GLCE: variants seen among roughly 807,000 people sequenced by gnomAD.
GLCE encodes the protein glucuronic acid epimerase, also known as D-glucuronyl C5-epimerase.
In GLCE, 19 loss-of-function variants were observed where a neutral mutation model predicts 47.9. That is an observed-to-expected ratio of 0.40 (90% confidence interval 0.28 to 0.58). GLCE has a LOEUF of 0.58. Ranked by LOEUF, GLCE falls within the 20% of genes least tolerant of loss-of-function variation. GLCE has a pLI of 0.48. For synonymous variants in GLCE, 245 were observed against 263.4 expected (o/e 0.93, Z 0.68); for missense variants, 556 against 743.3 (o/e 0.75, Z 2.93).
intron 2 of GLCE, among the ~76,000 whole-genome samples, chr15:69,232,916 A>G (rs879556278): frequency 2.0e-5 from 3 of 152,156 alleles, no homozygotes; most frequent in African/African-American, 4.8e-5. Flanking sequence ...AGACTAAATG[A>G]GAGTATTTCT....
chr15:69,192,661 G>A (rs1467085550), intron 1 of GLCE, among the ~76,000 whole-genome samples: 2 of 151,946 alleles, frequency 1.3e-5, no homozygotes, highest in East Asian at 3.9e-4. Flanking sequence ...TTATTTTAAA[G>A]GATGTTAGTT....
intron 1 of GLCE, among the ~76,000 whole-genome samples, chr15:69,178,851 A>G (rs930575301): frequency 2.6e-5 from 4 of 152,182 alleles, no homozygotes; most frequent in Non-Finnish European, 4.4e-5. Context: ...CAAAAAACAT[A>G]TATGACTCTT....
chr15:69,198,131 C>G (rs557458371), intron 1 of GLCE, among the ~76,000 whole-genome samples: 41 of 151,848 alleles, frequency 2.7e-4, no homozygotes, highest in African/African-American at 9.7e-4. Flanking sequence ...TTTAAAAAAC[C>G]CTGCATGTGG....
intron 3 of GLCE, among the ~76,000 whole-genome samples, chr15:69,260,469 AGGCT>A (rs2052998549): frequency 6.6e-6 from 1 of 152,206 alleles, no homozygotes; most frequent in South Asian, 2.1e-4. Flanking sequence ...CGTGTTGCCC[AGGCT>A]GGTCTCAAAC....
chr15:69,162,414 A>G (rs1022923847), intron 1 of GLCE, among the ~76,000 whole-genome samples: 1 of 152,192 alleles, frequency 6.6e-6, no homozygotes, highest in Non-Finnish European at 1.5e-5. Context: ...ATGAAAGTTA[A>G]TGTGGCAGGC....
At chr15:69,215,466 T>A (rs76493994) in intron 2 of GLCE, among the ~76,000 whole-genome samples, 1 of 152,280 alleles carries the variant, frequency 6.6e-6, no homozygotes, top group African/African-American at 2.4e-5. Flanking sequence ...CTTATTCATT[T>A]ATCTGTTGTG....
chr15:69,243,444 A>T (rs1346845856), intron 2 of GLCE, among the ~76,000 whole-genome samples: 1 of 151,932 alleles, frequency 6.6e-6, no homozygotes, highest in Non-Finnish European at 1.5e-5. Flanking sequence ...CATAGCTTCA[A>T]AGCCGATTTA....
At chr15:69,268,198 G>T (rs749891569) in intron 4 of GLCE, 22 bp from the exon 5 acceptor site, 3 of 1,489,888 alleles carry the variant, frequency 2.0e-6, no homozygotes, top group East Asian at 2.3e-5. Flanking sequence ...ACCAGTCTTT[G>T]TTGGTATATT....
rs1429665883 is a variant in GLCE at position 69,160,981 on chromosome 15, C to A, written c.-105+224C>A. On this transcript the variant is annotated intron_variant, in intron 1 of 4. Coordinates refer to ENST00000261858, the MANE Select transcript of GLCE (RefSeq NM_015554.3). This position sits in a 1 kb window ranked among gnomAD's most constrained non-coding sequence, Gnocchi z 4.2. Reference sequence around the variant, plus strand: ...GCGGTGTAGCGGGTGCCGGAGCTCCCGAGGTGAGGGGGCAATGTATTAGGG... The same window carrying A: ...GCGGTGTAGCGGGTGCCGGAGCTCCAGAGGTGAGGGGGCAATGTATTAGGG... Among the ~76,000 whole-genome samples the A allele has an allele frequency of 5.1e-5, 7 of 138,034 alleles. No homozygotes were observed. Among genetic ancestry groups the A allele is most frequent in the African/African-American group, 1.1e-4 (4 of 35,238 alleles). 90.6% of individuals were successfully genotyped at this position (138,034 alleles called of 152,430 possible). A position where few individuals can be genotyped will look rare whatever the true frequency, so the allele number is the denominator to read the frequency against.
chr15:69,252,881 G>A lies in GLCE; in HGVS notation c.-13-2913G>A, dbSNP rs143467391. 7.1e-3 allele frequency among the ~76,000 whole-genome samples: 1,085 copies of A among 152,190 alleles called. 17 individuals are homozygous for A. Among genetic ancestry groups the A allele is most frequent in the African/African-American group, 0.025 (1,045 of 41,498 alleles). Reference sequence around the variant, plus strand: ...TAAGTTTTGTTTGTTACACACTTTGGTTTCTCATAGTAATAATGCAGATGA... The same window carrying A: ...TAAGTTTTGTTTGTTACACACTTTGATTTCTCATAGTAATAATGCAGATGA... On this transcript the variant is annotated intron_variant, in intron 2 of 4. Coordinates refer to ENST00000261858, the MANE Select transcript of GLCE (RefSeq NM_015554.3).
intron 2 of GLCE, among the ~76,000 whole-genome samples, chr15:69,242,010 A>G (rs116952933): frequency 1.1e-4 from 16 of 152,290 alleles, no homozygotes; most frequent in East Asian, 9.6e-4. Flanking sequence ...AGTATTTTCT[A>G]TTGTAAAATA....
At chr15:69,202,832 C>CTTTTTTTTTTTTTTTAA (rs2052094592) in intron 1 of GLCE, among the ~76,000 whole-genome samples, 1 of 152,072 alleles carries the variant, frequency 6.6e-6, no homozygotes, top group African/African-American at 2.4e-5. Flanking sequence ...CAAATCCCTT[C>CTTTTTTTTTTTTTTTAA]TTGATTCTTT....
Position 69,271,990 on chromosome 15 carries a change from G to A in GLCE, c.*2746G>A, listed in dbSNP as rs1290195241. On this transcript the variant is annotated 3_prime_UTR_variant, in exon 5 of 5. Coordinates refer to ENST00000261858, the MANE Select transcript of GLCE (RefSeq NM_015554.3). ...TACCATATGTTAAATATGCAATAAA[G>A]TGTTTACAGGATGCCCTTCTGAAGG... 6.6e-6 allele frequency: 1 copy of A among 152,580 alleles called. No individual in the cohort carries two copies. The highest frequency in any genetic ancestry group is 2.4e-5 in the African/African-American group (1 of 41,414). 9.5% of individuals were successfully genotyped at this position (152,580 alleles called of 1,614,324 possible).
intron 2 of GLCE, among the ~76,000 whole-genome samples, chr15:69,222,821 T>A (rs991586206): frequency 2.6e-5 from 4 of 152,238 alleles, no homozygotes; most frequent in Non-Finnish European, 5.9e-5. Flanking sequence ...TGATTTTTTT[T>A]ATAGTGAAAG....
At chr15:69,260,982 G>T in intron 3 of GLCE, 105 bp from the exon 4 acceptor site, 3 of 1,081,192 alleles carry the variant, frequency 2.8e-6, no homozygotes, top group Non-Finnish European at 4.0e-6. Context: ...ACAACTTCCT[G>T]ATAACCCTGT....
chr15:69,227,922 G>T (rs1346695996), intron 2 of GLCE, among the ~76,000 whole-genome samples: 3 of 152,302 alleles, frequency 2.0e-5, no homozygotes, highest in African/African-American at 7.2e-5. Flanking sequence ...GTAAATATAG[G>T]TAAGTTGCAT....
At chr15:69,182,909 G>T (rs918241617) in intron 1 of GLCE, among the ~76,000 whole-genome samples, 3 of 152,110 alleles carry the variant, frequency 2.0e-5, no homozygotes, top group Admixed American at 2.0e-4. Context: ...CAGCTACTCA[G>T]GAGGCTGAGG....
intron 1 of GLCE, among the ~76,000 whole-genome samples, chr15:69,191,727 TTTAG>T (rs2051916337): frequency 6.6e-6 from 1 of 152,200 alleles, no homozygotes; most frequent in Admixed American, 6.6e-5. Flanking sequence ...AAACACCCTT[TTTAG>T]TTAGGGAATG....
At chr15:69,185,852 T>G (rs568659248) in intron 1 of GLCE, among the ~76,000 whole-genome samples, 1 of 152,238 alleles carries the variant, frequency 6.6e-6, no homozygotes, top group East Asian at 1.9e-4. Context: ...CACCCCATCC[T>G]TCAGACACCA....
Sources: gnomAD v4.1 joint callset for allele counts (sites outside exome capture counted in the v4.1 genomes callset) on GRCh38, gnomAD v4.1.1 for gene constraint, Gnocchi (gnomAD v3.1) non-coding constraint, MANE v1.5 for transcripts, NCBI Gene and HGNC (gene_info 2026-07-23, HGNC 2026-07-21) for gene names.